IKBIP: variants seen among roughly 807,000 people sequenced by gnomAD.
IKBIP encodes the protein IKBKB interacting protein.
A neutral mutation model predicts 31.0 loss-of-function variants in IKBIP; 28 were observed. The observed-to-expected ratio is 0.90, with a 90% CI of 0.67 to 1.24. The LOEUF is 1.24. IKBIP is among the 50% of genes most tolerant of loss of function. IKBIP has a pLI of 0.00. For synonymous variants in IKBIP, 164 were observed against 160.3 expected, an observed-to-expected ratio of 1.02 and a Z score of -0.17; for missense variants, 453 against 441.9, an observed-to-expected ratio of 1.03 and a Z score of -0.23.
chr12:98,614,382 A>G (rs1372062077), intron 2 of IKBIP: 2 of 1,025,504 alleles, frequency 2.0e-6, no homozygotes, highest in Non-Finnish European at 2.7e-6. Context: ...ATGTATTAGA[A>G]GCTTACCATT....
At chr12:98,614,228 G>C in exon 3 of IKBIP, 1 of 1,613,674 alleles carries the variant, frequency 6.2e-7, no homozygotes, top group Non-Finnish European at 8.5e-7. Flanking sequence ...CTGTTTTTCA[G>C]TTATCCTATT....
intron 1 of IKBIP, among the ~76,000 whole-genome samples, chr12:98,641,428 C>T (rs530321446): frequency 6.6e-6 from 1 of 152,256 alleles, no homozygotes; most frequent in East Asian, 1.9e-4. Context: ...TTCTAGTGAG[C>T]TTTTAAGTAT....
chr12:98,638,645 C>A (rs1346903755), intron 1 of IKBIP, among the ~76,000 whole-genome samples: 1 of 151,726 alleles, frequency 6.6e-6, no homozygotes, highest in East Asian at 1.9e-4. Flanking sequence ...AGTACAGTAG[C>A]CTGATCATAG....
chr12:98,642,983 C>T (rs1222691877), intron 1 of IKBIP, among the ~76,000 whole-genome samples: 5 of 146,294 alleles, frequency 3.4e-5, no homozygotes, highest in Non-Finnish European at 3.0e-5. Context: ...GATGGAGTCT[C>T]GCTCTGTTGC....
downstream of IKBIP, among the ~76,000 whole-genome samples, chr12:98,621,351 T>G (rs1178387911): frequency 6.6e-6 from 1 of 152,262 alleles, no homozygotes; most frequent in Non-Finnish European, 1.5e-5. Context: ...AGCCTAGGAC[T>G]CTTCAGCACT....
In IKBIP at chr12:98,625,246, TACTC is replaced by T; in HGVS notation, c.*680_*683del. On this transcript the variant is annotated 3_prime_UTR_variant, in exon 3 of 3. Coordinates refer to ENST00000299157, the MANE Select transcript of IKBIP (RefSeq NM_153687.4). ...GAAAGGCCTTATGTAAGAACATACTTACTCTGATTTTAAAAGTCTTACAAGTATC... is the reference window on the plus strand; with the variant it reads ...GAAAGGCCTTATGTAAGAACATACTTTGATTTTAAAAGTCTTACAAGTATC... 1.0e-6 allele frequency: 1 copy of T among 978,060 alleles called. No individual in the cohort carries two copies. The highest frequency in any genetic ancestry group is 1.7e-5 in the African/African-American group (1 of 57,238). 60.6% of individuals were successfully genotyped at this position (978,060 alleles called of 1,614,324 possible). A position where few individuals can be genotyped will look rare whatever the true frequency, so the allele number is the denominator to read the frequency against.
intron 1 of IKBIP, among the ~76,000 whole-genome samples, chr12:98,640,927 AATTTTTTGT>A (rs1219240635): frequency 1.3e-5 from 2 of 151,908 alleles, no homozygotes; most frequent in African/African-American, 4.8e-5. Flanking sequence ...ATGCCTGGCT[AATTTTTTGT>A]ATTTTTTGTA....
intron 1 of IKBIP, among the ~76,000 whole-genome samples, chr12:98,639,656 C>T (rs1194957307): frequency 2.0e-5 from 3 of 152,112 alleles, no homozygotes; most frequent in Non-Finnish European, 4.4e-5. Context: ...TGTGTGTTGC[C>T]TCTGAATAGC....
rs370551857 is a variant in IKBIP at position 98,644,777 on chromosome 12, C to A, written c.-76G>T. On this transcript the variant is annotated 5_prime_UTR_variant, in exon 1 of 3. Transcript: ENST00000299157. ...AGCAGGACGTGGCCGCCTTGGCGTT[C>A]GTGGGAACCCTGGGCGGTGACCGCG... 1.3e-5 allele frequency: 19 copies of A among 1,510,788 alleles called. 1 individual carries two copies. In the South Asian group the frequency reaches 2.0e-4, roughly 16 times the overall value. The allele number at this position is 1,510,788 out of a possible 1,614,324, so 93.6% of individuals were successfully genotyped here.
At chr12:98,629,640 C>T (rs1216252801) in intron 2 of IKBIP, among the ~76,000 whole-genome samples, 2 of 152,146 alleles carry the variant, frequency 1.3e-5, no homozygotes, top group Admixed American at 1.3e-4. Context: ...TTTAAATGTA[C>T]ACATACAGCC....
Position 98,638,787 on chromosome 12 carries a change from T to TTTTG in IKBIP, c.180-4378_180-4375dup, listed in dbSNP as rs1413778250. Among the ~76,000 whole-genome samples, 7 of 151,970 alleles carry TTTTG rather than the reference T, an allele frequency of 4.6e-5. No individual in the cohort carries two copies. The South Asian group carries it at 6.2e-4, about 14-fold the overall frequency. ...ATTCTGTAGAGAGGAGATCTGGCTA[T>TTTTG]TTTGTTTGTTTGTTCGTTTTTTGAG... On this transcript the variant is annotated intron_variant, in intron 1 of 2. Transcript: ENST00000299157.
downstream of IKBIP, chr12:98,624,119 A>C (rs1225381178): frequency 4.6e-6 from 1 of 218,292 alleles, no homozygotes; most frequent in South Asian, 1.6e-4. Context: ...ACCATGGTAT[A>C]TATAAGTTCA....
At chr12:98,621,196 C>T (rs1057429933), downstream of IKBIP, among the ~76,000 whole-genome samples, 3 of 152,096 alleles carry the variant, frequency 2.0e-5, no homozygotes, top group African/African-American at 7.2e-5. Flanking sequence ...TTGTAGTGAA[C>T]CAAGATTGTG....
chr12:98,618,613 CAG>C (rs1349619222), intron 2 of IKBIP, among the ~76,000 whole-genome samples: 3 of 143,300 alleles, frequency 2.1e-5, no homozygotes, highest in Non-Finnish European at 3.0e-5. Flanking sequence ...GCGACAGAGC[CAG>C]ACTCTGTCTC....
chr12:98,613,437 C>A, exon 3 of IKBIP: 4 of 476,020 alleles, frequency 8.4e-6, no homozygotes, highest in South Asian at 4.3e-5. Context: ...GAAAATCAAC[C>A]TGTTTTAAAG....
chr12:98,616,514 C>T (rs1393988835), intron 2 of IKBIP, among the ~76,000 whole-genome samples: 1 of 152,066 alleles, frequency 6.6e-6, no homozygotes, highest in Non-Finnish European at 1.5e-5. Context: ...TCTATTTTTG[C>T]TTTTGTTGCT....
chr12:98,616,017 G>C (rs996517238), intron 2 of IKBIP, among the ~76,000 whole-genome samples: 2 of 151,942 alleles, frequency 1.3e-5, no homozygotes, highest in African/African-American at 4.8e-5. Context: ...ATATCCAGAA[G>C]TGGGATTGCT....
Position 98,625,805 on chromosome 12 carries a change from G to T in IKBIP, c.*125C>A, listed in dbSNP as rs1253130410. On this transcript the variant is annotated 3_prime_UTR_variant, in exon 3 of 3. Coordinates refer to ENST00000299157, the MANE Select transcript of IKBIP (RefSeq NM_153687.4). Reference sequence around the variant, plus strand: ...CTTTGATTATGTGGATAATCCATTTGTGTGGACATCTCATTTATTTTCCAA... The same window carrying T: ...CTTTGATTATGTGGATAATCCATTTTTGTGGACATCTCATTTATTTTCCAA... 6 of 706,160 alleles carry T rather than the reference G, an allele frequency of 8.5e-6. No homozygotes were observed. Among genetic ancestry groups the T allele is most frequent in the Non-Finnish European group, 1.2e-5 (6 of 490,158 alleles). 43.7% of individuals were successfully genotyped at this position (706,160 alleles called of 1,614,324 possible).
intron 1 of IKBIP, among the ~76,000 whole-genome samples, chr12:98,636,045 T>C (rs1458505459): frequency 6.6e-6 from 1 of 152,240 alleles, no homozygotes; most frequent in Non-Finnish European, 1.5e-5. Context: ...AAGAATTGTC[T>C]TGGATCCAAT....
Sources: allele counts gnomAD v4.1 joint callset (sites outside exome capture counted in the v4.1 genomes callset), GRCh38; gene constraint gnomAD v4.1.1; transcripts MANE v1.5; gene names NCBI Gene and HGNC (gene_info 2026-07-23, HGNC 2026-07-21).